The following KLRD1 variants were observed in gnomAD, a reference collection of about 807,000 sequenced individuals.
The protein encoded by KLRD1 is killer cell lectin like receptor D1.
Under a neutral mutation model 22.6 loss-of-function variants are expected in KLRD1, and 21 were observed. That is an observed-to-expected ratio of 0.93 (90% CI 0.66 to 1.34). The LOEUF is 1.34. Ranked by LOEUF, KLRD1 falls within the 40% of genes most tolerant of loss-of-function variation. KLRD1 has a pLI of 0.00. For synonymous variants in KLRD1, 59 were observed against 71.1 expected (o/e 0.83, Z 0.85); for missense variants, 183 against 208.6 (o/e 0.88, Z 0.76).
chr12:10,240,086 G>A lies in KLRD1; in HGVS notation c.-101+13853G>A, dbSNP rs138453779. On this transcript the variant is annotated intron_variant, in intron 1 of 5. Transcript: ENST00000544747. The stretch of plus-strand genomic sequence containing the variant: ...TCTTTCTTTTTTTTTTTGGAGACAG[G>A]TTCTTACTTTGTCACCCAGGCTGGA... Among the ~76,000 whole-genome samples, 48 of 149,230 alleles carry A rather than the reference G, an allele frequency of 3.2e-4. 2 individuals are homozygous for A. The East Asian group carries it at 9.5e-3, about 30-fold the overall frequency.
At position 10,239,425 on chromosome 12, in the gene KLRD1, C is replaced by T. The variant is rs1949213429; in HGVS notation, c.-101+13192C>T. Among the ~76,000 whole-genome samples the T allele has an allele frequency of 5.2e-5, 2 of 38,722 alleles. 1 individual carries two copies. Among genetic ancestry groups the T allele is most frequent in the Admixed American group, 8.2e-4 (2 of 2,426 alleles). 25.4% of individuals were successfully genotyped at this position (38,722 alleles called of 152,430 possible). Reference sequence around the variant, plus strand: ...ATTTCCTTCCTTCCTTCTTTCCATCCTTCCTTCCTTTCCTTCCTTCCTTCC... The same window carrying T: ...ATTTCCTTCCTTCCTTCTTTCCATCTTTCCTTCCTTTCCTTCCTTCCTTCC... On this transcript the variant is annotated intron_variant, in intron 1 of 5. Coordinates refer to the KLRD1 transcript ENST00000544747.
intron 1 of KLRD1, among the ~76,000 whole-genome samples, chr12:10,273,628 C>G (rs1308640374): frequency 6.6e-6 from 1 of 152,154 alleles, no homozygotes; most frequent in Non-Finnish European, 1.5e-5. Context: ...CATATAATTT[C>G]ATTGGCAGAC....
upstream of KLRD1, among the ~76,000 whole-genome samples, chr12:10,306,252 C>CTG (rs1043979688): frequency 3.3e-5 from 5 of 151,618 alleles, no homozygotes; most frequent in African/African-American, 9.7e-5. Context: ...TATATGTTTA[C>CTG]TGTGTGTGTG....
intron 1 of KLRD1, among the ~76,000 whole-genome samples, chr12:10,243,348 T>C (rs1298790761): frequency 1.3e-5 from 2 of 151,984 alleles, no homozygotes; most frequent in Non-Finnish European, 2.9e-5. Context: ...GTGCAGTGGC[T>C]CATGCCTGTA....
chr12:10,268,532 A>G (rs962703973), intron 1 of KLRD1, among the ~76,000 whole-genome samples: 3 of 152,164 alleles, frequency 2.0e-5, no homozygotes, highest in Non-Finnish European at 4.4e-5. Flanking sequence ...TACTTATTGA[A>G]CTGTTCTTTT....
In KLRD1 at chr12:10,316,133, AAAAAAAGATG is replaced by A; in HGVS notation, c.*1344_*1353del. The A allele has an allele frequency of 6.6e-6, 1 of 151,572 alleles. No individual in the cohort carries two copies. Among genetic ancestry groups the A allele is most frequent in the Non-Finnish European group, 1.5e-5 (1 of 68,000 alleles). The allele number at this position is 151,572 out of a possible 1,614,324, so 9.4% of individuals were successfully genotyped here. On this transcript the variant is annotated 3_prime_UTR_variant, in exon 6 of 6. Coordinates refer to ENST00000336164, the MANE Select transcript of KLRD1 (RefSeq NM_002262.5). ...ACTCCTCTCCAAAAAAAAAAAAAAA[AAAAAAAGATG>A]AAAGGATTTGGAACCTTAATTGCAT...
chr12:10,308,243 C>T (rs1158439903), intron 1 of KLRD1, 159 bp downstream of exon 1: 2 of 639,292 alleles, frequency 3.1e-6, no homozygotes, highest in Non-Finnish European at 5.5e-6. Flanking sequence ...TTATATTTTC[C>T]TGATTCTTCA....
At chr12:10,282,499 C>T (rs2927558) in intron 1 of KLRD1, among the ~76,000 whole-genome samples, 20,781 of 151,950 alleles carry the variant, frequency 0.14, 2,431 homozygotes, top group African/African-American at 0.31. Flanking sequence ...TCAGATGATC[C>T]GCCTGCCTCA....
chr12:10,287,571 T>C (rs1472351308), intron 1 of KLRD1, among the ~76,000 whole-genome samples: 1 of 152,222 alleles, frequency 6.6e-6, no homozygotes, highest in Non-Finnish European at 1.5e-5. Context: ...TTATAAAACC[T>C]ATAAATAGAT....
chr12:10,260,365 A>G (rs1048016413), intron 1 of KLRD1, among the ~76,000 whole-genome samples: 1 of 151,848 alleles, frequency 6.6e-6, no homozygotes, highest in African/African-American at 2.4e-5. Flanking sequence ...ACAGTTATAT[A>G]TGATACACCT....
chr12:10,255,673 A>C (rs558422589), intron 1 of KLRD1, among the ~76,000 whole-genome samples: 1 of 152,150 alleles, frequency 6.6e-6, no homozygotes, highest in African/African-American at 2.4e-5. Flanking sequence ...TTCTAGTTTC[A>C]TTCCATTGTG....
chr12:10,311,529 A>G lies in KLRD1; in HGVS notation c.229A>G (p.Ser77Gly). 1 of 1,614,108 alleles carries G rather than the reference A, an allele frequency of 6.2e-7. No individual in the cohort carries two copies. Among genetic ancestry groups the G allele is most frequent in the Non-Finnish European group, 8.5e-7 (1 of 1,179,948 alleles). Residue 77 changes from serine (S) to glycine (G), a missense_variant, in exon 4 of 6, where the codon AGT (serine) becomes GGT (glycine). Coordinates refer to ENST00000336164, the MANE Select transcript of KLRD1 (RefSeq NM_002262.5). ...CCGGTGCAACTGTTACTTCATTTCCAGTGAACAGAAAACTTGGAACGAAAG... is the reference window on the plus strand; with the variant it reads ...CCGGTGCAACTGTTACTTCATTTCCGGTGAACAGAAAACTTGGAACGAAAG... ...GYRCNCYFIS[S>G]EQKTWNESRH...
chr12:10,328,593 ACT>A lies in KLRD1; in HGVS notation c.*13803_*13804del, dbSNP rs1432561140. 1 of 152,052 alleles carries A rather than the reference ACT, an allele frequency of 6.6e-6. No individual in the cohort carries two copies. Among genetic ancestry groups the A allele is most frequent in the Non-Finnish European group, 1.5e-5 (1 of 67,994 alleles). 9.4% of individuals were successfully genotyped at this position (152,052 alleles called of 1,614,324 possible). On this transcript the variant is annotated 3_prime_UTR_variant, in exon 6 of 6. Coordinates refer to ENST00000336164, the MANE Select transcript of KLRD1 (RefSeq NM_002262.5). ...AGTTATTTATATTTTCCAAAAACTA[ACT>A]CTTAGTTTTGTTTACTTTTTATATA...
chr12:10,281,493 A>C lies in KLRD1; in HGVS notation c.-100-26485A>C, dbSNP rs140646367. On this transcript the variant is annotated intron_variant, in intron 1 of 5. Coordinates refer to the KLRD1 transcript ENST00000544747. Reference sequence around the variant, plus strand: ...ATATGAGACACCTGGTTTGAGGGTGAGGAAGAATCAAAACCACACAACACA... The same window carrying C: ...ATATGAGACACCTGGTTTGAGGGTGCGGAAGAATCAAAACCACACAACACA... 9.4e-3 allele frequency among the ~76,000 whole-genome samples: 1,433 copies of C among 152,276 alleles called. 27 individuals are homozygous for C. The highest frequency in any genetic ancestry group is 0.032 in the African/African-American group (1,336 of 41,550).
chr12:10,248,010 C>T (rs540258138), intron 1 of KLRD1, among the ~76,000 whole-genome samples: 12 of 152,228 alleles, frequency 7.9e-5, no homozygotes, highest in African/African-American at 2.9e-4. Flanking sequence ...AATTAGCATG[C>T]CTCTCAAAAT....
At chr12:10,286,261 G>C (rs1458333848) in intron 1 of KLRD1, among the ~76,000 whole-genome samples, 1 of 152,166 alleles carries the variant, frequency 6.6e-6, no homozygotes, top group African/African-American at 2.4e-5. Flanking sequence ...AGATTTCCGT[G>C]AAAGCTTAAA....
At chr12:10,243,636 G>GAAAAAAAA (rs1949263487) in intron 1 of KLRD1, among the ~76,000 whole-genome samples, 1 of 124,392 alleles carries the variant, frequency 8.0e-6, no homozygotes, top group Non-Finnish European at 1.6e-5. Flanking sequence ...AAAAAAAACC[G>GAAAAAAAA]AAATGAAAGA....
chr12:10,313,471 C>T lies in KLRD1; in HGVS notation c.377C>T (p.Thr126Ile), dbSNP rs767356230. ...GGACTCTCTTACAGTGAGGAGCACA[C>T]CGCCTGGTTGTGGGAGAATGGCTCT... ...WIGLSYSEEH[T>I]AWLWENGSAL... The change falls in exon 5 of 6, where the codon ACC (threonine) becomes ATC (isoleucine). Residue 126 changes from threonine (T) to isoleucine (I), a missense_variant. Transcript: ENST00000336164. 1.2e-6 allele frequency: 2 copies of T among 1,608,368 alleles called. No homozygotes were observed. Among genetic ancestry groups the T allele is most frequent in the Admixed American group, 1.7e-5 (1 of 59,288 alleles).
intron 1 of KLRD1, among the ~76,000 whole-genome samples, chr12:10,244,727 G>A (rs1282951797): frequency 6.6e-6 from 1 of 152,062 alleles, no homozygotes; most frequent in Non-Finnish European, 1.5e-5. Context: ...GGGTTGCAGT[G>A]AGCCAAGATC....
Sources: gnomAD v4.1 joint callset for allele counts (sites outside exome capture counted in the v4.1 genomes callset) on GRCh38, gnomAD v4.1.1 for gene constraint, MANE v1.5 for transcripts, NCBI Gene and HGNC (gene_info 2026-07-23, HGNC 2026-07-21) for gene names.